KIF7: variants seen among roughly 807,000 people sequenced by gnomAD.
KIF7 encodes kinesin family member 7, also known as kinesin-like protein KIF7.
Under a neutral mutation model 135.7 loss-of-function variants are expected in KIF7, and 104 were observed. The observed-to-expected ratio is 0.77, with a 90% confidence interval of 0.65 to 0.90. The LOEUF (loss-of-function observed/expected upper bound fraction) is 0.90, where lower values mean the gene tolerates loss of function less well. Ranked by LOEUF, KIF7 falls within the 40% of genes least tolerant of loss-of-function variation. The pLI is 0.00. For missense variants in KIF7, 2,005 were observed against 1,839.1 expected, an observed-to-expected ratio of 1.09 and a Z score of -1.65; for synonymous variants, 883 against 809.4, an observed-to-expected ratio of 1.09 and a Z score of -1.54.
rs111710056 is a variant in KIF7, at chr15:89,632,316, G to A, written c.2895+504C>T. Among the ~76,000 whole-genome samples, 1,506 of 152,276 alleles carry A rather than the reference G, an allele frequency of 9.9e-3. 27 individuals carry two copies. The highest frequency in any genetic ancestry group is 0.034 in the African/African-American group (1,424 of 41,538). On this transcript the variant is annotated intron_variant, in intron 14 of 18. Coordinates refer to ENST00000394412, the MANE Select transcript of KIF7 (RefSeq NM_198525.3). ...ATGATCCCATCTGACAGAAGACAAC[G>A]CTGTGGCTCAGAAGCTGACCTTCCT...
chr15:89,645,542 G>T, intron 8 of KIF7, 91 bp from the exon 9 acceptor site: 1 of 1,000,604 alleles, frequency 1.0e-6, no homozygotes, highest in African/African-American at 1.6e-5. Context: ...AGAGGCCACC[G>T]GGTCTTCCAC....
Position 89,628,672 on chromosome 15 carries a change from CG to C in KIF7, c.3778del (p.Arg1260AlafsTer16). 6.2e-7 allele frequency: 1 copy of C among 1,612,960 alleles called. No homozygotes were observed. The highest frequency in any genetic ancestry group is 8.5e-7 in the Non-Finnish European group (1 of 1,179,856). ...CAAGTCCCGCGTCTCCTCCCGGGTG[CG>C]GGGGGCCCCCTCAGTGAGGGGGGAC... ...WLSPLTEGAP[R>X]TREETRDLVH... On this transcript the variant is annotated frameshift_variant, in exon 19 of 19. Transcript: ENST00000394412. LOFTEE classifies it low-confidence loss of function (END_TRUNC).
chr15:89,624,128 G>A (rs1285264948), downstream of KIF7: 4 of 1,613,772 alleles, frequency 2.5e-6, no homozygotes, highest in Non-Finnish European at 3.4e-6. Context: ...CATGTCCTCA[G>A]AGCTGCTCGG....
In KIF7 at chr15:89,628,774, C is replaced by CTCT; in HGVS notation, c.3674_3676dup (p.Lys1225dup). The CTCT allele has an allele frequency of 6.2e-7, 1 of 1,612,070 alleles. No individual in the cohort carries two copies. Among genetic ancestry groups the CTCT allele is most frequent in the African/African-American group, 1.3e-5 (1 of 75,062 alleles). The stretch of plus-strand genomic sequence containing the variant: ...CTGTCTGCCCTCCGAGCACAGGCTC[C>CTCT]TCTTCTCCCCACCTGTCATGGAGAG... On this transcript the variant is annotated inframe_insertion, in exon 19 of 19. Coordinates refer to ENST00000394412, the MANE Select transcript of KIF7 (RefSeq NM_198525.3).
In KIF7 at chr15:89,636,895, C is replaced by T. The variant is rs1193617844; in HGVS notation, c.2395-3012G>A. 8.6e-3 allele frequency among the ~76,000 whole-genome samples: 1,273 copies of T among 148,156 alleles called. 22 individuals carry two copies. The highest frequency in any genetic ancestry group is 0.028 in the African/African-American group (1,114 of 39,968). ...ATATATATTTTTTTCAGCACCACAC[C>T]ACACCTATTCCAAAATTGACCACAT... On this transcript the variant is annotated intron_variant, in intron 11 of 18. Coordinates refer to ENST00000394412, the MANE Select transcript of KIF7 (RefSeq NM_198525.3).
In KIF7 at chr15:89,652,953, C is replaced by T. The variant is rs772063379; in HGVS notation, c.-23G>A. 7.9e-5 allele frequency: 117 copies of T among 1,476,556 alleles called. No homozygotes were observed. Among genetic ancestry groups the T allele is most frequent in the South Asian group, 9.3e-5 (7 of 74,952 alleles). The allele number at this position is 1,476,556 out of a possible 1,614,324, so 91.5% of individuals were successfully genotyped here. ...CATGCCGAGGGAGGACTGCTCTGGG[C>T]CCTGTGGAGAGAGAGAGAAGCCCTG... On this transcript the variant is annotated splice_region_variant and 5_prime_UTR_variant, in exon 2 of 19. Transcript: ENST00000394412.
chr15:89,628,476 C>T lies in KIF7; in HGVS notation c.3975G>A (p.Arg1325=), dbSNP rs1192796098. 3.7e-6 allele frequency: 6 copies of T among 1,611,216 alleles called. No homozygotes were observed. The highest frequency in any genetic ancestry group is 1.3e-5 in the African/African-American group (1 of 74,892). ...CCGGGCTGGCTCGTCGCAGTTCCCG[C>T]CGGGGCTTGGACAAAGGCCCAAAGT... ...PWNFGPLSKP[R]RELRRASPGM... The change falls in exon 19 of 19, where the codon CGG becomes CGA. Residue 1325 remains arginine, a synonymous_variant. Transcript: ENST00000394412.
intron 11 of KIF7, among the ~76,000 whole-genome samples, chr15:89,641,165 G>A (rs1366799668): frequency 1.3e-5 from 2 of 152,054 alleles, no homozygotes; most frequent in African/African-American, 4.8e-5. Context: ...GGACATTAGG[G>A]TGGGCCCTAA....
downstream of KIF7, chr15:89,625,739 G>C: frequency 1.2e-6 from 2 of 1,612,990 alleles, no homozygotes; most frequent in Non-Finnish European, 1.7e-6. Flanking sequence ...CCAAGTTGGA[G>C]TGCATGGCAG....
At chr15:89,642,439 C>T (rs908993229) in intron 10 of KIF7, 34 bp from the exon 11 acceptor site, 1 of 1,531,712 alleles carries the variant, frequency 6.5e-7, no homozygotes, top group Non-Finnish European at 8.8e-7. Flanking sequence ...CACAGGCAGC[C>T]CTGCTCCACC....
chr15:89,618,290 A>C (rs1963368142), intron 1 of KIF7: 2 of 1,263,440 alleles, frequency 1.6e-6, no homozygotes, highest in Admixed American at 1.7e-5. Context: ...GTTACTTGGC[A>C]TATCCTAAGA....
At position 89,630,472 on chromosome 15, in the gene KIF7, A is replaced by G. The variant is rs916572967; in HGVS notation, c.3133T>C (p.Leu1045=). ...SPEEERTLFQ[L]DEAIEALDAA... Reference sequence around the variant, plus strand: ...TCCAGGGCCTCGATGGCCTCATCCAACTGGAACAGCGTCCGCTCCTCCTGC... The same window carrying G: ...TCCAGGGCCTCGATGGCCTCATCCAGCTGGAACAGCGTCCGCTCCTCCTGC... Residue 1045 remains leucine (L), a synonymous_variant, in exon 16 of 19, where the codon TTG becomes CTG. Coordinates refer to ENST00000394412, the MANE Select transcript of KIF7 (RefSeq NM_198525.3). 7 of 1,558,108 alleles carry G rather than the reference A, an allele frequency of 4.5e-6. No homozygotes were observed. Among genetic ancestry groups the G allele is most frequent in the African/African-American group, 2.8e-5 (2 of 72,644 alleles).
chr15:89,659,746 G>A (rs1490756897), upstream of KIF7, among the ~76,000 whole-genome samples: 1 of 152,142 alleles, frequency 6.6e-6, no homozygotes, highest in Non-Finnish European at 1.5e-5. Flanking sequence ...ATATACTTCT[G>A]GTGAGAATGT....
chr15:89,625,625 C>T, downstream of KIF7: 1 of 1,613,302 alleles, frequency 6.2e-7, no homozygotes, highest in Non-Finnish European at 8.5e-7. Context: ...GGGTTGAGTT[C>T]CAGGAAGAGA....
At chr15:89,641,112 C>T (rs969974631) in intron 11 of KIF7, among the ~76,000 whole-genome samples, 2 of 152,150 alleles carry the variant, frequency 1.3e-5, no homozygotes, top group South Asian at 2.1e-4. Context: ...AATATGACTG[C>T]GTTTGTAAAG....
chr15:89,644,899 C>G (rs1383810544), intron 10 of KIF7, 114 bp downstream of exon 10: 21 of 1,402,818 alleles, frequency 1.5e-5, no homozygotes, highest in Non-Finnish European at 2.0e-5. Context: ...CAAACCTAGG[C>G]CATCCGGCCC....
At chr15:89,625,893 G>A (rs754316583), downstream of KIF7, 2 of 1,542,618 alleles carry the variant, frequency 1.3e-6, no homozygotes, top group Non-Finnish European at 1.7e-6. Context: ...CTTCCCGGTT[G>A]GGGGTCTGGG....
rs1424874194 is a variant in KIF7, at chr15:89,635,520, C to T, written c.2395-1637G>A. Among the ~76,000 whole-genome samples, 5 of 151,940 alleles carry T rather than the reference C, an allele frequency of 3.3e-5. No homozygotes were observed. The East Asian group carries it at 5.8e-4, about 18-fold the overall frequency. On this transcript the variant is annotated intron_variant, in intron 11 of 18. Transcript: ENST00000394412. ...GCTGAAAACCAAGGCTCGAGAACTA[C>T]GTGAAGAATGCAGAAGCCTCAGGAG...
At chr15:89,619,599 T>G in intron 1 of KIF7, 1 of 1,195,610 alleles carries the variant, frequency 8.4e-7, no homozygotes, top group Non-Finnish European at 1.2e-6. Flanking sequence ...CTTGCTGAAT[T>G]TCCATCTTAT....
Sources: gnomAD v4.1 joint callset for allele counts (sites outside exome capture counted in the v4.1 genomes callset) on GRCh38, gnomAD v4.1.1 for gene constraint, MANE v1.5 for transcripts, NCBI Gene and HGNC (gene_info 2026-07-23, HGNC 2026-07-21) for gene names.